Variants in ADGRV1 observed in about 807,000 individuals in gnomAD.
ADGRV1 encodes G-protein coupled receptor 98.
A neutral mutation model predicts 596.2 loss-of-function variants in ADGRV1; 359 were observed. The ratio of observed to expected loss-of-function variants is 0.60; its 90% confidence interval spans 0.55 to 0.66. The LOEUF is 0.66. Among genes scored for constraint, ADGRV1 ranks in the 30% least tolerant of loss-of-function variants. ADGRV1 has a pLI of 0.00. For missense variants in ADGRV1, 7,274 were observed against 7,575.6 expected (o/e 0.96, Z 1.48); for synonymous variants, 2,681 against 2,679.2 (o/e 1.00, Z -0.02).
chr5:90,948,927 G>A (rs1776832362), intron 83 of ADGRV1, among the ~76,000 whole-genome samples: 1 of 151,848 alleles, frequency 6.6e-6, no homozygotes, highest in Non-Finnish European at 1.5e-5. Flanking sequence ...GGGGCCGTCT[G>A]TGTATAAAAT....
At chr5:90,903,476 CTT>C (rs780330317) in intron 83 of ADGRV1, among the ~76,000 whole-genome samples, 30 of 151,868 alleles carry the variant, frequency 2.0e-4, no homozygotes, top group African/African-American at 1.2e-4. Context: ...ACTTTACTAA[CTT>C]TATTATTTTT....
chr5:91,018,257 C>T (rs1413894006), intron 85 of ADGRV1, among the ~76,000 whole-genome samples: 1 of 151,900 alleles, frequency 6.6e-6, no homozygotes, highest in African/African-American at 2.4e-5. Context: ...TTCTCCCTGC[C>T]CTTAAATATG....
intron 75 of ADGRV1, among the ~76,000 whole-genome samples, chr5:90,819,394 G>A (rs1561796787): frequency 6.6e-6 from 1 of 151,570 alleles, no homozygotes. Context: ...TTTTTGAAGA[G>A]TTTTTTGTGT....
chr5:90,650,351 A>G (rs1258278489), intron 17 of ADGRV1, among the ~76,000 whole-genome samples: 1 of 152,206 alleles, frequency 6.6e-6, no homozygotes, highest in Non-Finnish European at 1.5e-5. Context: ...GAACCCTGCC[A>G]AAATTAGGTT....
At chr5:90,947,316 C>A (rs868105961) in intron 83 of ADGRV1, among the ~76,000 whole-genome samples, 24 of 116,054 alleles carry the variant, frequency 2.1e-4, no homozygotes, top group Non-Finnish European at 2.8e-4. Context: ...GTGTCCTTTG[C>A]TCACTTTTTA....
chr5:91,042,960 C>T (rs1042345207), intron 85 of ADGRV1, among the ~76,000 whole-genome samples: 3 of 151,720 alleles, frequency 2.0e-5, no homozygotes, highest in African/African-American at 7.3e-5. Context: ...AGAGAACAAA[C>T]AAGCTATATT....
intron 31 of ADGRV1, among the ~76,000 whole-genome samples, chr5:90,692,025 G>T (rs969411018): frequency 5.9e-5 from 9 of 152,012 alleles, no homozygotes; most frequent in African/African-American, 2.2e-4. Flanking sequence ...TTCTTTAATA[G>T]TATAAAATTT....
intron 4 of ADGRV1, among the ~76,000 whole-genome samples, chr5:90,621,581 G>A (rs931944319): frequency 1.3e-5 from 2 of 152,026 alleles, no homozygotes; most frequent in Admixed American, 6.6e-5. Flanking sequence ...TATCACCTCC[G>A]ACCTCATACT....
chr5:90,861,647 T>C (rs1297933097), intron 82 of ADGRV1, among the ~76,000 whole-genome samples: 1 of 152,206 alleles, frequency 6.6e-6, no homozygotes, highest in Non-Finnish European at 1.5e-5. Context: ...TTTATAGTTA[T>C]AACACTTTAT....
chr5:90,714,061 A>G (rs1427527473), intron 42 of ADGRV1, among the ~76,000 whole-genome samples: 1 of 152,162 alleles, frequency 6.6e-6, no homozygotes, highest in African/African-American at 2.4e-5. Flanking sequence ...AGTACAGTGC[A>G]TGTTGAGTGA....
At chr5:90,760,644 GA>G (rs1300038083) in intron 58 of ADGRV1, among the ~76,000 whole-genome samples, 1 of 151,940 alleles carries the variant, frequency 6.6e-6, no homozygotes, top group Non-Finnish European at 1.5e-5. Flanking sequence ...GACTTATGTA[GA>G]AAAAAACACC....
intron 86 of ADGRV1, among the ~76,000 whole-genome samples, chr5:91,084,112 C>T (rs545214002): frequency 5.3e-5 from 8 of 152,182 alleles, no homozygotes; most frequent in African/African-American, 1.4e-4. Flanking sequence ...CCCCTTCTGC[C>T]GGTTTCTTAC....
intron 83 of ADGRV1, among the ~76,000 whole-genome samples, chr5:90,886,593 C>A (rs2150564180): frequency 6.6e-6 from 1 of 152,250 alleles, no homozygotes; most frequent in Admixed American, 6.5e-5. Context: ...TCGTGACTCA[C>A]AAACTTTTAT....
chr5:90,982,354 G>A (rs1425762627), intron 84 of ADGRV1, among the ~76,000 whole-genome samples: 2 of 152,034 alleles, frequency 1.3e-5, no homozygotes, highest in African/African-American at 4.8e-5. Flanking sequence ...TATTAAGTGA[G>A]GACATATTGT....
At chr5:90,824,487 A>G (rs570930114) in intron 76 of ADGRV1, among the ~76,000 whole-genome samples, 3 of 152,246 alleles carry the variant, frequency 2.0e-5, no homozygotes, top group South Asian at 4.1e-4. Flanking sequence ...TGGAAAATAT[A>G]TTTTCCTTAA....
At chr5:90,613,501 A>T (rs955089149) in intron 1 of ADGRV1, among the ~76,000 whole-genome samples, 3 of 151,998 alleles carry the variant, frequency 2.0e-5, no homozygotes, top group African/African-American at 7.2e-5. Context: ...GGGTTGGAAG[A>T]CAGGGAAGAG....
chr5:91,046,224 A>G (rs1785794043), intron 85 of ADGRV1, among the ~76,000 whole-genome samples: 1 of 152,202 alleles, frequency 6.6e-6, no homozygotes, highest in Admixed American at 6.5e-5. Context: ...AGACTAAGCA[A>G]AAAGAACAAA....
rs536395262 is a variant in ADGRV1 at position 90,798,234 on chromosome 5, A to C, written c.14518-4505A>C. Among the ~76,000 whole-genome samples the C allele has an allele frequency of 3.3e-5, 5 of 152,356 alleles. No homozygotes were observed. In the South Asian group the frequency reaches 1.0e-3, roughly 32 times the overall value. On this transcript the variant is annotated intron_variant, in intron 70 of 89. Coordinates refer to ENST00000405460, the MANE Select transcript of ADGRV1 (RefSeq NM_032119.4). ...TCAAATAGACACAATAAAAAATGAT[A>C]TAGGGGATATCACCACTGATCCCAC...
At chr5:90,897,953 C>T (rs934853069) in intron 83 of ADGRV1, among the ~76,000 whole-genome samples, 2 of 152,172 alleles carry the variant, frequency 1.3e-5, no homozygotes, top group Non-Finnish European at 2.9e-5. Context: ...CTGACTTTAG[C>T]CTGGCTTTTC....
Sources: gnomAD v4.1 joint callset for allele counts (sites outside exome capture counted in the v4.1 genomes callset) on GRCh38, gnomAD v4.1.1 for gene constraint, MANE v1.5 for transcripts, NCBI Gene and HGNC (gene_info 2026-07-23, HGNC 2026-07-21) for gene names.